The following FOXJ3 variants were observed in gnomAD, a reference collection of about 807,000 sequenced individuals.
FOXJ3 encodes the protein forkhead box protein J3.
In FOXJ3, 22 loss-of-function variants were observed where a neutral mutation model predicts 76.1. That is an observed-to-expected ratio of 0.29 (90% CI 0.21 to 0.41). The LOEUF (loss-of-function observed/expected upper bound fraction) is 0.41, where lower values mean the gene tolerates loss of function less well. Ranked by LOEUF, FOXJ3 falls within the 10% of genes least tolerant of loss-of-function variation. The probability of loss-of-function intolerance (pLI) is 1.00; values close to 1 mark genes in which losing one functional copy is unlikely to be tolerated. For missense variants in FOXJ3, 613 were observed against 762.1 expected (o/e 0.80, Z 2.30); for synonymous variants, 269 against 261.2 (o/e 1.03, Z -0.29).
At chr1:42,192,316 G>A (rs551645111) in intron 8 of FOXJ3, among the ~76,000 whole-genome samples, 237 of 152,326 alleles carry the variant, frequency 1.6e-3, no homozygotes, top group African/African-American at 5.4e-3. Flanking sequence ...CTGTGAGCAC[G>A]TCCAGCACAA....
rs150790027 is a variant in FOXJ3, at chr1:42,191,662, T to C, written c.992A>G (p.Gln331Arg). 1.8e-4 allele frequency: 290 copies of C among 1,614,144 alleles called. No individual in the cohort carries two copies. The African/African-American group carries it at 2.5e-3, about 14-fold the overall frequency. ...GCTCACTGTACTGCTGGGAGAGTGCTGATAGGTACATGAAGTGTGGGACTG... is the reference window on the plus strand; with the variant it reads ...GCTCACTGTACTGCTGGGAGAGTGCCGATAGGTACATGAAGTGTGGGACTG... Reference protein sequence around the residue: ...SQQSHTSCTYQHSPSSTVSTH... With the variant: ...SQQSHTSCTYRHSPSSTVSTH... The change falls in exon 9 of 13, where the codon CAG (glutamine) becomes CGG (arginine). Residue 331 changes from glutamine to arginine, a missense_variant. Physicochemically the swap from Gln to Arg is conservative, Grantham distance 43 (BLOSUM62 1). Transcript: ENST00000361346.
chr1:42,248,316 CGAGGTCAGGAGAT>C (rs1457683656), intron 4 of FOXJ3, among the ~76,000 whole-genome samples: 1 of 152,062 alleles, frequency 6.6e-6, no homozygotes, highest in Non-Finnish European at 1.5e-5. Context: ...GGGCCGATCA[CGAGGTCAGGAGAT>C]CAAGACCAAC....
At chr1:42,330,350 T>C (rs1305374330) in intron 1 of FOXJ3, among the ~76,000 whole-genome samples, 1 of 151,980 alleles carries the variant, frequency 6.6e-6, no homozygotes, top group Non-Finnish European at 1.5e-5. Context: ...CGGAAGAAAA[T>C]CAGTGGGCTG....
intron 5 of FOXJ3, among the ~76,000 whole-genome samples, chr1:42,208,643 C>G (rs1646905685): frequency 1.3e-5 from 2 of 152,138 alleles, no homozygotes; most frequent in South Asian, 4.1e-4. Context: ...GACAATGATA[C>G]CCACTGTCAC....
intron 1 of FOXJ3, among the ~76,000 whole-genome samples, chr1:42,320,220 G>T (rs1251163051): frequency 6.6e-6 from 1 of 151,034 alleles, no homozygotes; most frequent in Non-Finnish European, 1.5e-5. Flanking sequence ...CGTGGGGGAG[G>T]GGGGGCTTCC....
intron 4 of FOXJ3, among the ~76,000 whole-genome samples, chr1:42,238,452 T>C (rs1192896622): frequency 6.6e-6 from 1 of 152,240 alleles, no homozygotes; most frequent in Non-Finnish European, 1.5e-5. Context: ...TGGCAGTGGT[T>C]TGCCCAACTT....
At chr1:42,188,243 A>G (rs913121845) in intron 11 of FOXJ3, among the ~76,000 whole-genome samples, 7 of 152,200 alleles carry the variant, frequency 4.6e-5, no homozygotes, top group African/African-American at 1.7e-4. Context: ...AGAAAGCGAG[A>G]TTTAAAAAAT....
intron 11 of FOXJ3, among the ~76,000 whole-genome samples, chr1:42,185,500 TC>T (rs1646417497): frequency 6.6e-6 from 1 of 151,878 alleles, no homozygotes; most frequent in Admixed American, 6.6e-5. Context: ...GACCTCATGA[TC>T]CGCCTGCCTC....
chr1:42,300,604 T>C (rs1445108615), intron 2 of FOXJ3, among the ~76,000 whole-genome samples: 1 of 152,010 alleles, frequency 6.6e-6, no homozygotes, highest in Non-Finnish European at 1.5e-5. Context: ...AGCAAAACCT[T>C]GTCTCTACAA....
chr1:42,232,733 A>T (rs1319154046), intron 4 of FOXJ3, among the ~76,000 whole-genome samples: 96 of 152,170 alleles, frequency 6.3e-4, no homozygotes, highest in Non-Finnish European at 1.9e-4. Flanking sequence ...ATTTTCTCCC[A>T]TTCTGTAGGC....
chr1:42,237,965 T>C (rs531579412), intron 4 of FOXJ3, among the ~76,000 whole-genome samples: 1 of 152,152 alleles, frequency 6.6e-6, no homozygotes, highest in East Asian at 1.9e-4. Flanking sequence ...CACACATATA[T>C]ATATGACAGT....
At chr1:42,334,075 T>G (rs964216470) in intron 1 of FOXJ3, 16 of 758,996 alleles carry the variant, frequency 2.1e-5, no homozygotes, top group Non-Finnish European at 2.4e-5. Flanking sequence ...CAACACGGAA[T>G]AGTAAAACCT....
chr1:42,288,729 T>C (rs532493137), intron 2 of FOXJ3, among the ~76,000 whole-genome samples: 9 of 152,110 alleles, frequency 5.9e-5, no homozygotes, highest in South Asian at 2.1e-4. Context: ...CAGTGTATAG[T>C]AGAGCTTTTC....
chr1:42,327,647 T>C (rs1045655219), intron 1 of FOXJ3, among the ~76,000 whole-genome samples: 3 of 152,066 alleles, frequency 2.0e-5, no homozygotes, highest in Non-Finnish European at 4.4e-5. Flanking sequence ...ATAGTGCTAA[T>C]TGGAAACAAG....
In FOXJ3 at chr1:42,210,932, G is replaced by C. The variant is rs371849111; in HGVS notation, c.529-5069C>G. The stretch of plus-strand genomic sequence containing the variant: ...TCAGGGACTGCTACTCCCAAGGGAG[G>C]GGGTGGGGCGGGGAGTGTACATCAT... On this transcript the variant is annotated intron_variant, in intron 5 of 12. Coordinates refer to ENST00000361346, the MANE Select transcript of FOXJ3 (RefSeq NM_014947.5). 9.9e-4 allele frequency among the ~76,000 whole-genome samples: 150 copies of C among 152,242 alleles called. 1 individual carries two copies. In the South Asian group the frequency reaches 0.031, roughly 31 times the overall value.
intron 4 of FOXJ3, among the ~76,000 whole-genome samples, chr1:42,264,041 A>G (rs1557684254): frequency 6.7e-6 from 1 of 150,272 alleles, no homozygotes. Flanking sequence ...AGGAGCTACT[A>G]CAATGATGAC....
chr1:42,228,308 A>T (rs1383115024), intron 4 of FOXJ3, among the ~76,000 whole-genome samples: 1 of 152,216 alleles, frequency 6.6e-6, no homozygotes, highest in African/African-American at 2.4e-5. Context: ...TAATGTATAA[A>T]GATACTGTAG....
At chr1:42,229,638 A>G (rs1647900119) in intron 4 of FOXJ3, among the ~76,000 whole-genome samples, 1 of 152,194 alleles carries the variant, frequency 6.6e-6, no homozygotes, top group South Asian at 2.1e-4. Flanking sequence ...TAAGGAGTCT[A>G]CCAGATGTGG....
rs1437358496 is a variant in FOXJ3, at chr1:42,179,837, G to C, written c.1754-12C>G. 5.7e-6 allele frequency: 9 copies of C among 1,582,342 alleles called. No homozygotes were observed. Among genetic ancestry groups the C allele is most frequent in the Admixed American group, 1.7e-5 (1 of 59,972 alleles). On this transcript the variant is annotated splice_polypyrimidine_tract_variant and intron_variant, in intron 12 of 12. Coordinates refer to ENST00000361346, the MANE Select transcript of FOXJ3 (RefSeq NM_014947.5). ...GGCTCTGTGATGGCCTGGAAGGAAA[G>C]AGGCAATAATAGCAGCGACTTGGGT...
Sources: allele counts gnomAD v4.1 joint callset (sites outside exome capture counted in the v4.1 genomes callset), GRCh38; gene constraint gnomAD v4.1.1; transcripts MANE v1.5; gene names NCBI Gene and HGNC (gene_info 2026-07-23, HGNC 2026-07-21).